TLCD1: variants seen among roughly 807,000 people sequenced by gnomAD.
TLCD1 encodes the protein TLC domain-containing protein 1.
Under a neutral mutation model 21.2 loss-of-function variants are expected in TLCD1, and 21 were observed. The ratio of observed to expected loss-of-function variants is 0.99; its 90% CI spans 0.70 to 1.42. TLCD1 has a LOEUF of 1.42. Among genes scored for constraint, TLCD1 ranks in the 40% most tolerant of loss-of-function variants. The pLI, the probability that TLCD1 is intolerant of heterozygous loss-of-function variation, is 0.00. For missense variants in TLCD1, 344 were observed against 330.3 expected (o/e 1.04, Z -0.32); for synonymous variants, 168 against 134.8 (o/e 1.25, Z -1.71).
At chr17:28,725,155 GCCAACCT>G (rs1374841895) in intron 3 of TLCD1, 142 bp downstream of exon 3, 3 of 967,822 alleles carry the variant, frequency 3.1e-6, no homozygotes, top group African/African-American at 3.3e-5. Context: ...AGTACAGACT[GCCAACCT>G]CCAGCATCCT....
chr17:28,725,264 T>G (rs1283478080), intron 3 of TLCD1, 40 bp downstream of exon 3: 1 of 1,604,110 alleles, frequency 6.2e-7, no homozygotes, highest in African/African-American at 1.3e-5. Flanking sequence ...ACTAGATTAC[T>G]GACACCAGGC....
chr17:28,727,616 C>CTTTT (rs1384550776), upstream of TLCD1: 2 of 146,272 alleles, frequency 1.4e-5, no homozygotes, highest in Non-Finnish European at 1.5e-5. Context: ...CTGATGTTTT[C>CTTTT]TTTCTTTCTT....
chr17:28,726,897 C>A, upstream of TLCD1: 1 of 1,357,650 alleles, frequency 7.4e-7, no homozygotes, highest in Non-Finnish European at 1.0e-6. Flanking sequence ...CGGCCCGGCT[C>A]CCCGGAGGCT....
Position 28,726,111 on chromosome 17 carries a change from G to A in TLCD1, c.-14C>T, listed in dbSNP as rs112006397. The A allele has an allele frequency of 2.8e-6, 4 of 1,429,350 alleles. No homozygotes were observed. The African/African-American group carries it at 4.5e-5, about 16-fold the overall frequency. 88.5% of individuals were successfully genotyped at this position (1,429,350 alleles called of 1,614,324 possible). A position where few individuals can be genotyped will look rare whatever the true frequency, so the allele number is the denominator to read the frequency against. On this transcript the variant is annotated 5_prime_UTR_variant, in exon 1 of 4. Transcript: ENST00000292090. ...CAGTCGGGGCATGCTGGCCCTCCCT[G>A]CCGTCCGCCCTCGAGGCCGCCTCCT...
chr17:28,725,178 A>G (rs1293177246), intron 3 of TLCD1, 126 bp downstream of exon 3: 10 of 1,106,768 alleles, frequency 9.0e-6, no homozygotes, highest in Non-Finnish European at 1.3e-5. Context: ...ATCCTAGCAT[A>G]AGAAGTAGCA....
intron 1 of TLCD1, 31 bp downstream of exon 1, chr17:28,725,873 G>A: frequency 6.2e-7 from 1 of 1,604,866 alleles, no homozygotes; most frequent in East Asian, 2.2e-5. Flanking sequence ...AGGATCCCCT[G>A]GCCACCTCAT....
chr17:28,724,741 G>A lies in TLCD1; in HGVS notation c.513C>T (p.Asn171=), dbSNP rs527780204. The change falls in exon 4 of 4, where the codon AAC becomes AAT. Residue 171 remains asparagine (N), a synonymous_variant. Coordinates refer to ENST00000292090, the MANE Select transcript of TLCD1 (RefSeq NM_138463.4). ...NAQDHLLYRV[N]KYVNLVMYFL... ...AGTACATGACCAGGTTCACATACTT[G>A]TTAACCCGGTAGAGGAGATGATCCT... 1 of 1,614,158 alleles carries A rather than the reference G, an allele frequency of 6.2e-7. No individual in the cohort carries two copies. The highest frequency in any genetic ancestry group is 8.5e-7 in the Non-Finnish European group (1 of 1,180,032).
At chr17:28,725,761 G>A in intron 1 of TLCD1, 143 bp downstream of exon 1, 2 of 1,266,362 alleles carry the variant, frequency 1.6e-6, no homozygotes, top group East Asian at 2.5e-5. Flanking sequence ...GCGGCTTTTG[G>A]TTGGATAGGA....
In TLCD1 at chr17:28,725,177, TAAG is replaced by T. The variant is rs566312581; in HGVS notation, c.360+124_360+126del. On this transcript the variant is annotated intron_variant, in intron 3 of 3. Transcript: ENST00000292090. ...ACTGCCAACCTCCAGCATCCTAGCA[TAAG>T]AAGTAGCACACAGGTCGGGGGTGGG... 8.9e-5 allele frequency: 98 copies of T among 1,106,720 alleles called. 1 individual carries two copies. In the East Asian group the frequency reaches 2.2e-3, roughly 25 times the overall value. The allele number at this position is 1,106,720 out of a possible 1,614,324, so 68.6% of individuals were successfully genotyped here. A position where few individuals can be genotyped will look rare whatever the true frequency, so the allele number is the denominator to read the frequency against.
intron 3 of TLCD1, 142 bp from the exon 4 acceptor site, chr17:28,725,035 T>C: frequency 9.9e-7 from 1 of 1,005,186 alleles, no homozygotes; most frequent in Non-Finnish European, 1.4e-6. Context: ...TAAGATGCTT[T>C]GTTTTGTTAG....
At position 28,726,186 on chromosome 17, in the gene TLCD1, G is replaced by C; in HGVS notation, c.-89C>G. 6 of 1,372,692 alleles carry C rather than the reference G, an allele frequency of 4.4e-6. No individual in the cohort carries two copies. Among genetic ancestry groups the C allele is most frequent in the Non-Finnish European group, 5.6e-6 (6 of 1,071,284 alleles). The allele number at this position is 1,372,692 out of a possible 1,614,324, so 85.0% of individuals were successfully genotyped here. A position where few individuals can be genotyped will look rare whatever the true frequency, so the allele number is the denominator to read the frequency against. ...CCTCTCGGGCCAGTCCAGGCCGGCCGCCTCTCCCGCCGGCCGCCAGCCCCA... is the reference window on the plus strand; with the variant it reads ...CCTCTCGGGCCAGTCCAGGCCGGCCCCCTCTCCCGCCGGCCGCCAGCCCCA... On this transcript the variant is annotated 5_prime_UTR_variant, in exon 1 of 4. Coordinates refer to ENST00000292090, the MANE Select transcript of TLCD1 (RefSeq NM_138463.4).
At chr17:28,726,319 G>T, upstream of TLCD1, 1 of 761,420 alleles carries the variant, frequency 1.3e-6, no homozygotes, top group Non-Finnish European at 1.5e-6. Context: ...GCCTGCCCCC[G>T]CCCCGTCCGC....
intron 1 of TLCD1, 150 bp downstream of exon 1, chr17:28,725,754 G>A: frequency 1.6e-6 from 2 of 1,231,606 alleles, no homozygotes; most frequent in South Asian, 1.5e-5. Flanking sequence ...GGCCACTGCG[G>A]CTTTTGGTTG....
chr17:28,726,369 G>A (rs1297437098), upstream of TLCD1, among the ~76,000 whole-genome samples: 1 of 149,034 alleles, frequency 6.7e-6, no homozygotes, highest in Non-Finnish European at 1.5e-5. Context: ...CGCGAGCCGG[G>A]TGTCCCCGTG....
At chr17:28,725,770 G>C in intron 1 of TLCD1, 134 bp downstream of exon 1, 1 of 1,289,612 alleles carries the variant, frequency 7.8e-7, no homozygotes, top group Admixed American at 2.6e-5. Context: ...GGTTGGATAG[G>C]ATACCAAACG....
At chr17:28,726,246 C>T (rs1252290304), upstream of TLCD1, 1 of 1,271,398 alleles carries the variant, frequency 7.9e-7, no homozygotes, top group Non-Finnish European at 9.9e-7. Flanking sequence ...CCCTTGGCTC[C>T]TCCTCGCCCT....
intron 3 of TLCD1, among the ~76,000 whole-genome samples, 155 bp downstream of exon 3, chr17:28,725,149 C>G (rs895780189): frequency 2.6e-5 from 4 of 152,124 alleles, no homozygotes; most frequent in Non-Finnish European, 5.9e-5. Context: ...TGAACAAGTA[C>G]AGACTGCCAA....
In TLCD1 at chr17:28,725,390, G is replaced by C; in HGVS notation, c.278-4C>G. On this transcript the variant is annotated splice_region_variant and splice_polypyrimidine_tract_variant and intron_variant, in intron 2 of 3. Transcript: ENST00000292090. ...ACCGTATCGTGGATGAAATACCCTA[G>C]TGGAGGGATGGGGCAAGAGATCATG... 6.2e-7 allele frequency: 1 copy of C among 1,614,194 alleles called. No individual in the cohort carries two copies. The highest frequency in any genetic ancestry group is 8.5e-7 in the Non-Finnish European group (1 of 1,180,030).
chr17:28,726,145 T>A lies in TLCD1; in HGVS notation c.-48A>T. On this transcript the variant is annotated 5_prime_UTR_variant, in exon 1 of 4. Transcript: ENST00000292090. ...CCTCGAGGCCGCCTCCTAGGTCTGT[T>A]CTGGGAACCGGGATCCCTCTCGGGC... is the stretch of plus-strand genomic sequence containing the variant. 7.1e-7 allele frequency: 1 copy of A among 1,406,158 alleles called. No homozygotes were observed. Among genetic ancestry groups the A allele is most frequent in the Non-Finnish European group, 9.2e-7 (1 of 1,091,244 alleles). 87.1% of individuals were successfully genotyped at this position (1,406,158 alleles called of 1,614,324 possible).
Sources: gnomAD v4.1 joint callset for allele counts (sites outside exome capture counted in the v4.1 genomes callset) on GRCh38, gnomAD v4.1.1 for gene constraint, MANE v1.5 for transcripts, NCBI Gene and HGNC (gene_info 2026-07-23, HGNC 2026-07-21) for gene names.